CAPN9: variants seen among roughly 807,000 people sequenced by gnomAD.
The protein encoded by CAPN9 is calpain-9.
CAPN9 carries 81 observed loss-of-function variants against 92.8 expected under a neutral mutation model. The ratio of observed to expected loss-of-function variants is 0.87; its 90% CI spans 0.73 to 1.05. CAPN9 has a LOEUF of 1.05. Among genes scored for constraint, CAPN9 ranks in the 50% least tolerant of loss-of-function variants. The pLI is 0.00. For synonymous variants in CAPN9, 304 were observed against 328.0 expected, an observed-to-expected ratio of 0.93 and a Z score of 0.79; for missense variants, 848 against 866.2, an observed-to-expected ratio of 0.98 and a Z score of 0.26.
At chr1:230,762,052 T>C (rs1665680103) in intron 3 of CAPN9, among the ~76,000 whole-genome samples, 1 of 152,210 alleles carries the variant, frequency 6.6e-6, no homozygotes, top group Non-Finnish European at 1.5e-5. Context: ...TATGCACATG[T>C]ATACACATGT....
intron 2 of CAPN9, among the ~76,000 whole-genome samples, chr1:230,757,818 G>T (rs943724758): frequency 3.9e-5 from 6 of 152,012 alleles, no homozygotes; most frequent in Non-Finnish European, 7.4e-5. Context: ...GAGTGTGAGG[G>T]GATGGAGCAT....
At chr1:230,761,649 A>C (rs1462710069) in intron 3 of CAPN9, among the ~76,000 whole-genome samples, 1 of 151,978 alleles carries the variant, frequency 6.6e-6, no homozygotes, top group African/African-American at 2.4e-5. Flanking sequence ...TCAGGATGAC[A>C]CAGCAAAGCT....
intron 5 of CAPN9, among the ~76,000 whole-genome samples, chr1:230,768,810 C>T (rs756261252): frequency 3.4e-4 from 51 of 152,216 alleles, no homozygotes; most frequent in Admixed American, 1.8e-3. Context: ...AGGTTTGTGA[C>T]GCAGAGCTGT....
chr1:230,759,759 CA>C, intron 3 of CAPN9, 129 bp downstream of exon 3: 2 of 529,336 alleles, frequency 3.8e-6, no homozygotes, highest in Non-Finnish European at 6.6e-6. Context: ...GGTCCTAAAC[CA>C]TGCTAAAGCC....
Position 230,792,504 on chromosome 1 carries a change from C to G in CAPN9, c.1791+10C>G. Reference sequence around the variant, plus strand: ...GCTGAAGCAGTGGATTGTATGTAACCTGGAGCAGGGCTTGGCCTCTGGGGG... The same window carrying G: ...GCTGAAGCAGTGGATTGTATGTAACGTGGAGCAGGGCTTGGCCTCTGGGGG... On this transcript the variant is annotated intron_variant, in intron 16 of 19. Transcript: ENST00000271971. 1.9e-6 allele frequency: 3 copies of G among 1,610,586 alleles called. No homozygotes were observed. Among genetic ancestry groups the G allele is most frequent in the Non-Finnish European group, 2.5e-6 (3 of 1,176,758 alleles).
chr1:230,748,637 A>T (rs979120009), intron 1 of CAPN9, among the ~76,000 whole-genome samples: 1 of 152,158 alleles, frequency 6.6e-6, no homozygotes, highest in East Asian at 1.9e-4. Flanking sequence ...TGTCTAGCAC[A>T]CAGAAGGTTT....
intron 18 of CAPN9, among the ~76,000 whole-genome samples, chr1:230,795,955 G>A (rs1371412914): frequency 1.3e-5 from 2 of 151,170 alleles, no homozygotes; most frequent in Non-Finnish European, 2.9e-5. Flanking sequence ...AGGGGGCCCC[G>A]CATTTCCATT....
chr1:230,765,726 T>C (rs1665946802), intron 4 of CAPN9, among the ~76,000 whole-genome samples: 1 of 151,938 alleles, frequency 6.6e-6, no homozygotes, highest in African/African-American at 2.4e-5. Context: ...TATCAATGGG[T>C]TCATACTAAT....
Position 230,755,324 on chromosome 1 carries a change from C to T in CAPN9, c.214-13C>T. 6.2e-7 allele frequency: 1 copy of T among 1,607,528 alleles called. No individual in the cohort carries two copies. The highest frequency in any genetic ancestry group is 2.2e-5 in the East Asian group (1 of 44,508). On this transcript the variant is annotated splice_polypyrimidine_tract_variant and intron_variant, in intron 1 of 19. Transcript: ENST00000271971. ...TGGCAGGCCTCAGCCTAATAACACT[C>T]TCATTCCTCCAGGAAATCGTGAAAA... is the stretch of plus-strand genomic sequence containing the variant.
intron 17 of CAPN9, 71 bp downstream of exon 17, chr1:230,792,999 G>A: frequency 8.7e-7 from 1 of 1,155,922 alleles, no homozygotes; most frequent in Non-Finnish European, 1.3e-6. Context: ...CTGAGCAGAT[G>A]GCAGGTCTTC....
intron 2 of CAPN9, 82 bp downstream of exon 2, chr1:230,755,488 G>A (rs1572014198): frequency 9.5e-7 from 1 of 1,052,834 alleles, no homozygotes; most frequent in East Asian, 2.6e-5. Context: ...GGGTCCCTGA[G>A]GACCCAAGAG....
chr1:230,798,016 C>T (rs756466393), intron 18 of CAPN9, 146 bp from the exon 19 acceptor site: 41 of 674,158 alleles, frequency 6.1e-5, no homozygotes, highest in Admixed American at 9.1e-5. Context: ...AGAGTCCCAT[C>T]GCCGCCCTTG....
At chr1:230,793,221 C>A (rs1454068491) in intron 17 of CAPN9, among the ~76,000 whole-genome samples, 1 of 152,222 alleles carries the variant, frequency 6.6e-6, no homozygotes, top group Non-Finnish European at 1.5e-5. Context: ...TAGCCTCTGA[C>A]CATGTTTTCT....
intron 12 of CAPN9, among the ~76,000 whole-genome samples, chr1:230,786,774 A>G (rs1424926174): frequency 1.3e-5 from 2 of 152,160 alleles, no homozygotes; most frequent in African/African-American, 2.4e-5. Context: ...TTGTATTTTA[A>G]GAAATCTAAT....
At chr1:230,764,738 C>T (rs73104667) in intron 4 of CAPN9, among the ~76,000 whole-genome samples, 24,567 of 152,100 alleles carry the variant, frequency 0.16, 2,131 homozygotes, top group South Asian at 0.3. Context: ...ATCGAGTGAA[C>T]GGATGGTGGA....
At chr1:230,773,558 G>A (rs1047415886) in intron 7 of CAPN9, among the ~76,000 whole-genome samples, 15 of 152,216 alleles carry the variant, frequency 9.9e-5, no homozygotes, top group African/African-American at 3.6e-4. Flanking sequence ...ATGGGTGATG[G>A]GAGGGGCAGG....
intron 3 of CAPN9, among the ~76,000 whole-genome samples, chr1:230,760,853 C>T (rs1665587054): frequency 1.3e-5 from 2 of 151,856 alleles, no homozygotes; most frequent in South Asian, 4.2e-4. Context: ...GAACTACTGC[C>T]TCTAAACCAG....
chr1:230,748,964 G>T, intron 1 of CAPN9, among the ~76,000 whole-genome samples: 1 of 152,170 alleles, frequency 6.6e-6, no homozygotes, highest in East Asian at 1.9e-4. Context: ...GCACGCACTT[G>T]TGTGTGTAGG....
At chr1:230,798,251 ACCCAGCTGGGG>A in intron 19 of CAPN9, 31 bp downstream of exon 19, 1 of 1,513,382 alleles carries the variant, frequency 6.6e-7, no homozygotes, top group Non-Finnish European at 9.2e-7. Context: ...CTGCTCAGGG[ACCCAGCTGGGG>A]CCCAGCAGAG....
Sources: allele counts gnomAD v4.1 joint callset (sites outside exome capture counted in the v4.1 genomes callset), GRCh38; gene constraint gnomAD v4.1.1; transcripts MANE v1.5; gene names NCBI Gene and HGNC (gene_info 2026-07-23, HGNC 2026-07-21).